Variants in BACH2 observed in about 807,000 individuals in gnomAD.
BACH2 encodes transcription regulator protein BACH2.
Under a neutral mutation model 61.8 loss-of-function variants are expected in BACH2, and 5 were observed. The ratio of observed to expected loss-of-function variants is 0.08; its 90% CI spans 0.04 to 0.17. BACH2 has a LOEUF of 0.17. Ranked by LOEUF, BACH2 falls within the 10% of genes least tolerant of loss-of-function variation. BACH2 has a pLI of 1.00. For synonymous variants in BACH2, 446 were observed against 440.1 expected (o/e 1.01, Z -0.17); for missense variants, 824 against 1,091.1 (o/e 0.76, Z 3.45).
intron 4 of BACH2, among the ~76,000 whole-genome samples, chr6:90,153,963 C>T (rs149836856): frequency 1.3e-4 from 20 of 152,256 alleles, no homozygotes; most frequent in African/African-American, 4.6e-4. Context: ...TACCCTTTTA[C>T]GGCTTGGTTA....
In BACH2 at chr6:90,240,712, C is replaced by T. The variant is rs933495112; in HGVS notation, c.-275+11801G>A. On this transcript the variant is annotated intron_variant, in intron 3 of 8. Transcript: ENST00000257749. ...TAATCCTCAACATGTAGACTGTCTG[C>T]TTTGTGGCTTTCTTAGAGTGAACCT... is the stretch of plus-strand genomic sequence containing the variant. Among the ~76,000 whole-genome samples the T allele has an allele frequency of 1.2e-4, 18 of 152,242 alleles. No homozygotes were observed. In the South Asian group the frequency reaches 1.2e-3, roughly 11 times the overall value.
intron 4 of BACH2, among the ~76,000 whole-genome samples, chr6:90,194,373 G>A (rs1420859230): frequency 1.3e-5 from 2 of 151,430 alleles, no homozygotes; most frequent in South Asian, 4.2e-4. Flanking sequence ...AACTATCTTC[G>A]GTAAGACTTA....
intron 5 of BACH2, among the ~76,000 whole-genome samples, chr6:90,029,910 T>G (rs1277651050): frequency 1.3e-5 from 2 of 151,936 alleles, no homozygotes; most frequent in Admixed American, 1.3e-4. Context: ...GCCAAGATAA[T>G]GGGATGGTAC....
intron 5 of BACH2, among the ~76,000 whole-genome samples, chr6:90,026,367 T>C (rs1203539495): frequency 6.6e-6 from 1 of 152,190 alleles, no homozygotes; most frequent in Admixed American, 6.5e-5. Context: ...CCAATGATAA[T>C]TACTGTCAGA....
At chr6:89,970,866 C>A (rs1365777739) in intron 6 of BACH2, among the ~76,000 whole-genome samples, 1 of 151,960 alleles carries the variant, frequency 6.6e-6, no homozygotes. Context: ...ATATCTGGGT[C>A]GCAGGGAAAG....
intron 4 of BACH2, among the ~76,000 whole-genome samples, chr6:90,155,937 G>A (rs1784981950): frequency 6.6e-6 from 1 of 152,176 alleles, no homozygotes; most frequent in Non-Finnish European, 1.5e-5. Flanking sequence ...ATTGCATAAA[G>A]TCCTATTCTC....
chr6:90,239,663 A>T (rs1442079254), intron 3 of BACH2, among the ~76,000 whole-genome samples: 1 of 152,160 alleles, frequency 6.6e-6, no homozygotes, highest in African/African-American at 2.4e-5. Context: ...CGTCTATATG[A>T]CTAAGAGATG....
intron 2 of BACH2, among the ~76,000 whole-genome samples, chr6:90,256,503 A>G (rs997406010): frequency 1.3e-5 from 2 of 152,212 alleles, no homozygotes; most frequent in African/African-American, 4.8e-5. Flanking sequence ...TTCCTGAAGG[A>G]TTTCCAGGAG....
chr6:89,993,426 G>C (rs1023260665), intron 6 of BACH2, among the ~76,000 whole-genome samples: 1 of 152,044 alleles, frequency 6.6e-6, no homozygotes, highest in Non-Finnish European at 1.5e-5. Flanking sequence ...TAAAAAAAGT[G>C]ATAAAAAAGT....
At chr6:90,027,595 C>T (rs139455034) in intron 5 of BACH2, among the ~76,000 whole-genome samples, 207 of 152,216 alleles carry the variant, frequency 1.4e-3, no homozygotes, top group African/African-American at 4.3e-3. Context: ...CAGGTGGTAC[C>T]GGAGAGACAC....
intron 4 of BACH2, among the ~76,000 whole-genome samples, chr6:90,098,275 C>T (rs1334466848): frequency 2.5e-5 from 1 of 39,504 alleles, no homozygotes; most frequent in African/African-American, 8.6e-5. Context: ...ATTTCTTTGC[C>T]CCCCCCGCAA....
intron 4 of BACH2, among the ~76,000 whole-genome samples, chr6:90,177,584 G>C (rs1354147981): frequency 6.6e-6 from 1 of 152,156 alleles, no homozygotes; most frequent in Non-Finnish European, 1.5e-5. Flanking sequence ...TGGGCCTCTG[G>C]TGAAACGTAA....
At chr6:90,159,529 T>G (rs1306368690) in intron 4 of BACH2, among the ~76,000 whole-genome samples, 1 of 152,222 alleles carries the variant, frequency 6.6e-6, no homozygotes, top group Non-Finnish European at 1.5e-5. Flanking sequence ...ATGGTCACTA[T>G]ACATATATTT....
At chr6:90,216,334 AAG>A (rs1191080175) in intron 3 of BACH2, among the ~76,000 whole-genome samples, 1 of 152,202 alleles carries the variant, frequency 6.6e-6, no homozygotes, top group Non-Finnish European at 1.5e-5. Flanking sequence ...GCTCCCAAGA[AAG>A]AACTGTGGCT....
intron 5 of BACH2, among the ~76,000 whole-genome samples, chr6:90,035,242 T>G (rs1054658300): frequency 6.6e-6 from 1 of 152,094 alleles, no homozygotes; most frequent in African/African-American, 2.4e-5. Flanking sequence ...TTCTATTACA[T>G]CCTGAGAATG....
At chr6:90,186,530 T>C (rs1044923276) in intron 4 of BACH2, among the ~76,000 whole-genome samples, 6 of 152,316 alleles carry the variant, frequency 3.9e-5, no homozygotes, top group African/African-American at 1.2e-4. Flanking sequence ...GTATTCTTAT[T>C]AGAAATTTAA....
intron 6 of BACH2, among the ~76,000 whole-genome samples, chr6:89,959,097 GCACACACACACACACACACACACACACA>G (rs60175244): frequency 1.6e-4 from 21 of 134,484 alleles, no homozygotes; most frequent in South Asian, 1.3e-3. Context: ...ATGCACAAGT[GCACACACACACACACACACACACACACA>G]CACACACACA....
At chr6:90,295,456 C>T (rs1288623590) in intron 1 of BACH2, among the ~76,000 whole-genome samples, 1 of 152,220 alleles carries the variant, frequency 6.6e-6, no homozygotes, top group East Asian at 2.0e-4. Flanking sequence ...TCCAGTCTCT[C>T]CCCTCGTGGG....
At chr6:90,069,063 ACTAGAT>A (rs1360169671) in intron 5 of BACH2, among the ~76,000 whole-genome samples, 3 of 152,062 alleles carry the variant, frequency 2.0e-5, no homozygotes, top group African/African-American at 4.8e-5. Flanking sequence ...CATTTACTGA[ACTAGAT>A]CTCATAAGGA....
Sources: allele counts gnomAD v4.1 joint callset (sites outside exome capture counted in the v4.1 genomes callset), GRCh38; gene constraint gnomAD v4.1.1; transcripts MANE v1.5; gene names NCBI Gene and HGNC (gene_info 2026-07-23, HGNC 2026-07-21).